REC114: variants seen among roughly 807,000 people sequenced by gnomAD.
The protein encoded by REC114 is REC114 meiotic recombination protein, also known as meiotic recombination protein REC114.
Under a neutral mutation model 31.3 loss-of-function variants are expected in REC114, and 27 were observed. The observed-to-expected ratio is 0.86, with a 90% CI of 0.64 to 1.19. REC114 has a LOEUF of 1.19. REC114 is among the 50% of genes most tolerant of loss of function. REC114 has a pLI of 0.00. For synonymous variants in REC114, 134 were observed against 127.7 expected (o/e 1.05, Z -0.33); for missense variants, 344 against 326.9 (o/e 1.05, Z -0.40).
intron 2 of REC114, among the ~76,000 whole-genome samples, chr15:73,531,819 C>G (rs16957968): frequency 0.033 from 4,991 of 152,172 alleles, 303 homozygotes; most frequent in African/African-American, 0.11. Context: ...GCCCTTATTT[C>G]TACTCCATCC....
At chr15:73,536,571 A>T (rs1289266238) in intron 2 of REC114, among the ~76,000 whole-genome samples, 1 of 152,230 alleles carries the variant, frequency 6.6e-6, no homozygotes, top group Non-Finnish European at 1.5e-5. Flanking sequence ...AGAAGCTATC[A>T]GTTGAGCCAA....
chr15:73,471,893 G>T (rs921194183), intron 1 of REC114, among the ~76,000 whole-genome samples: 2 of 152,104 alleles, frequency 1.3e-5, no homozygotes, highest in African/African-American at 4.8e-5. Flanking sequence ...AATTCTTTAT[G>T]ATTCCACTCA....
intron 2 of REC114, among the ~76,000 whole-genome samples, chr15:73,524,237 A>T (rs1336131463): frequency 6.6e-6 from 1 of 152,206 alleles, no homozygotes; most frequent in African/African-American, 2.4e-5. Flanking sequence ...TGAAGCTTGG[A>T]TGGAAGAAGA....
chr15:73,529,141 T>TA (rs1398418002), intron 2 of REC114, among the ~76,000 whole-genome samples: 21 of 151,262 alleles, frequency 1.4e-4, no homozygotes, highest in African/African-American at 4.4e-4. Flanking sequence ...TTTATTTATT[T>TA]TATTTTTTTT....
intron 2 of REC114, among the ~76,000 whole-genome samples, chr15:73,537,627 T>C (rs1033178798): frequency 6.6e-6 from 1 of 152,222 alleles, no homozygotes; most frequent in Non-Finnish European, 1.5e-5. Flanking sequence ...AGTACAGTAT[T>C]GTTAACTATA....
At chr15:73,487,109 C>T (rs1348900548) in intron 2 of REC114, among the ~76,000 whole-genome samples, 1 of 152,116 alleles carries the variant, frequency 6.6e-6, no homozygotes, top group African/African-American at 2.4e-5. Flanking sequence ...ACTTAATCAC[C>T]TCTTAAAGGT....
rs142625973 is a variant in REC114, at chr15:73,446,488, A to T, written c.159+3144A>T. On this transcript the variant is annotated intron_variant, in intron 1 of 5. Coordinates refer to ENST00000331090, the MANE Select transcript of REC114 (RefSeq NM_001042367.2). ...AACCCCGTCTCTACAAAAAATGCAAAAATTAGCCGGGTGTAGTGGTGCCTG... is the reference window on the plus strand; with the variant it reads ...AACCCCGTCTCTACAAAAAATGCAATAATTAGCCGGGTGTAGTGGTGCCTG... Among the ~76,000 whole-genome samples, 801 of 152,174 alleles carry T rather than the reference A, an allele frequency of 5.3e-3. 5 individuals are homozygous for T. The highest frequency in any genetic ancestry group is 0.018 in the African/African-American group (759 of 41,494).
intron 2 of REC114, among the ~76,000 whole-genome samples, chr15:73,475,951 C>T (rs1201686875): frequency 1.3e-5 from 2 of 152,156 alleles, no homozygotes; most frequent in African/African-American, 2.4e-5. Flanking sequence ...CTTAGATATA[C>T]ACATATTTAG....
intron 2 of REC114, among the ~76,000 whole-genome samples, chr15:73,522,399 C>T (rs781023752): frequency 4.6e-5 from 7 of 152,154 alleles, no homozygotes; most frequent in Non-Finnish European, 7.3e-5. Context: ...GGGTAACTAC[C>T]ACCACCACAA....
chr15:73,539,457 CTTTT>C (rs58815458), intron 2 of REC114, among the ~76,000 whole-genome samples: 15 of 104,318 alleles, frequency 1.4e-4, no homozygotes, highest in Admixed American at 4.9e-4. Flanking sequence ...CGCCCGGCTA[CTTTT>C]TTTTTTTTTT....
chr15:73,532,402 G>T (rs1035485217), intron 2 of REC114, among the ~76,000 whole-genome samples: 1 of 150,014 alleles, frequency 6.7e-6, no homozygotes, highest in African/African-American at 2.5e-5. Context: ...CATTTGGGTT[G>T]GTTCCAAGTC....
intron 2 of REC114, among the ~76,000 whole-genome samples, chr15:73,529,681 A>C (rs192082120): frequency 1.6e-4 from 25 of 152,326 alleles, no homozygotes; most frequent in Non-Finnish European, 2.9e-5. Flanking sequence ...ATTTCAAAAT[A>C]AGTTTAAAAA....
At chr15:73,482,099 T>C (rs1187136473) in intron 2 of REC114, among the ~76,000 whole-genome samples, 1 of 152,172 alleles carries the variant, frequency 6.6e-6, no homozygotes, top group African/African-American at 2.4e-5. Context: ...TGCCCATTAT[T>C]TTTCCCCCAA....
At chr15:73,520,307 C>T (rs1893918274) in intron 2 of REC114, among the ~76,000 whole-genome samples, 1 of 152,096 alleles carries the variant, frequency 6.6e-6, no homozygotes, top group Non-Finnish European at 1.5e-5. Context: ...TCTTGGCTCA[C>T]TGCAACCTCT....
intron 2 of REC114, among the ~76,000 whole-genome samples, chr15:73,522,797 AG>A (rs1483171712): frequency 6.6e-6 from 1 of 152,200 alleles, no homozygotes; most frequent in Non-Finnish European, 1.5e-5. Context: ...AGTACATAAG[AG>A]TTAAATTGCT....
At chr15:73,479,158 A>G (rs1412858293) in intron 2 of REC114, among the ~76,000 whole-genome samples, 1 of 149,966 alleles carries the variant, frequency 6.7e-6, no homozygotes, top group Non-Finnish European at 1.5e-5. Context: ...GAAAGCATTT[A>G]GTCTTTTCAC....
chr15:73,516,849 A>G (rs999796520), intron 2 of REC114, among the ~76,000 whole-genome samples: 3 of 151,670 alleles, frequency 2.0e-5, no homozygotes, highest in Admixed American at 1.3e-4. Flanking sequence ...CTGGTCTTGA[A>G]CTCCTGATCG....
chr15:73,449,337 A>C (rs1430631406), intron 1 of REC114, among the ~76,000 whole-genome samples: 3 of 152,142 alleles, frequency 2.0e-5, no homozygotes, highest in Non-Finnish European at 4.4e-5. Context: ...CAGCACGAGA[A>C]CTTCATGAAG....
chr15:73,525,418 G>T (rs1331605982), intron 2 of REC114, among the ~76,000 whole-genome samples: 1 of 151,452 alleles, frequency 6.6e-6, no homozygotes, highest in Non-Finnish European at 1.5e-5. Flanking sequence ...GTTATTTTCT[G>T]ACTTCATACA....
Sources: gnomAD v4.1 joint callset for allele counts (sites outside exome capture counted in the v4.1 genomes callset) on GRCh38, gnomAD v4.1.1 for gene constraint, MANE v1.5 for transcripts, NCBI Gene and HGNC (gene_info 2026-07-23, HGNC 2026-07-21) for gene names.